Variants in TTLL6 observed in about 807,000 individuals in gnomAD.
TTLL6 encodes the protein tubulin polyglutamylase TTLL6.
TTLL6 carries 75 observed loss-of-function variants against 96.4 expected under a neutral mutation model. The observed-to-expected ratio is 0.78, with a 90% CI of 0.65 to 0.94. TTLL6 has a LOEUF of 0.94. TTLL6 is among the 40% of genes least tolerant of loss of function. The pLI is 0.00. For synonymous variants in TTLL6, 411 were observed against 419.4 expected (o/e 0.98, Z 0.24); for missense variants, 1,030 against 1,093.0 (o/e 0.94, Z 0.81).
At chr17:48,796,211 T>C in intron 7 of TTLL6, 65 bp from the exon 8 acceptor site, 8 of 1,288,204 alleles carry the variant, frequency 6.2e-6, no homozygotes, top group Non-Finnish European at 8.8e-6. Flanking sequence ...TTCCTCTCTG[T>C]GCCCTCCCAT....
intron 14 of TTLL6, 36 bp from the exon 15 acceptor site, chr17:48,769,290 G>A: frequency 1.3e-6 from 2 of 1,558,526 alleles, no homozygotes; most frequent in Non-Finnish European, 8.7e-7. Context: ...AGCGATTTGT[G>A]CTGCTGGATT....
chr17:48,803,698 G>A (rs1456051456), intron 3 of TTLL6, among the ~76,000 whole-genome samples, 193 bp downstream of exon 3: 1 of 152,172 alleles, frequency 6.6e-6, no homozygotes, highest in Non-Finnish European at 1.5e-5. Context: ...CACCATTGTG[G>A]TGAAAACCCA....
chr17:48,800,243 A>C (rs1203072924), intron 5 of TTLL6: 1 of 154,004 alleles, frequency 6.5e-6, no homozygotes, highest in Non-Finnish European at 1.4e-5. Flanking sequence ...TCAGTCTCTC[A>C]CCCCATGCTG....
intron 13 of TTLL6, among the ~76,000 whole-genome samples, chr17:48,783,854 A>C (rs1326991489): frequency 6.6e-6 from 1 of 151,972 alleles, no homozygotes; most frequent in Non-Finnish European, 1.5e-5. Flanking sequence ...AAATAATTTA[A>C]GTCTACAATG....
In TTLL6 at chr17:48,787,877, A is replaced by T. The variant is rs1216597829; in HGVS notation, c.1523T>A (p.Phe508Tyr). 1 of 1,613,988 alleles carries T rather than the reference A, an allele frequency of 6.2e-7. No individual in the cohort carries two copies. The highest frequency in any genetic ancestry group is 1.3e-5 in the African/African-American group (1 of 74,882). The change falls in exon 11 of 16, where the codon TTT (phenylalanine) becomes TAT (tyrosine). Residue 508 changes from phenylalanine to tyrosine, a missense_variant. Phe to Tyr is a conservative substitution (Grantham distance 22). Coordinates refer to ENST00000393382, the MANE Select transcript of TTLL6 (RefSeq NM_001130918.3). Reference protein sequence around the residue: ...PSLNSEKYEKFFQDNNSLFQN... With the variant: ...PSLNSEKYEKYFQDNNSLFQN... ...GAAGAGGGAGTTGTTGTCCTGGAAA[A>T]ACTTCTCATACTTCTCCGAATTCAG...
intron 13 of TTLL6, among the ~76,000 whole-genome samples, chr17:48,776,835 T>C (rs1381894238): frequency 6.6e-6 from 1 of 152,126 alleles, no homozygotes; most frequent in Non-Finnish European, 1.5e-5. Flanking sequence ...CCCAGTGTGC[T>C]TTTTTTGCAA....
At chr17:48,777,695 C>T (rs1477168723) in intron 13 of TTLL6, among the ~76,000 whole-genome samples, 4 of 150,410 alleles carry the variant, frequency 2.7e-5, no homozygotes, top group Admixed American at 6.7e-5. Context: ...CGTGCCATTG[C>T]ACTCAAGCCT....
At chr17:48,802,110 GAAAGAAAGAAAGAAAGAAAGAAAGAAAGA>G (rs2039433834) in intron 3 of TTLL6, among the ~76,000 whole-genome samples, 1 of 95,058 alleles carries the variant, frequency 1.1e-5, no homozygotes, top group Non-Finnish European at 3.0e-5. Context: ...AAGAAAGAAA[GAAAGAAAGAAAGAAAGAAAGAAAGAAAGA>G]AAGAAAGAAA....
At position 48,811,890 on chromosome 17, in the gene TTLL6, G is replaced by A. The variant is rs545924701; in HGVS notation, c.103+5080C>T. On this transcript the variant is annotated intron_variant, in intron 1 of 15. Transcript: ENST00000393382. ...TTATTTTTGCATTTTTAGTAGAGAC[G>A]GGGTTTTGCCATGTTGGCCAGGCTG... Among the ~76,000 whole-genome samples, 108 of 151,968 alleles carry A rather than the reference G, an allele frequency of 7.1e-4. No homozygotes were observed. In the Middle Eastern group the frequency reaches 0.017, roughly 24 times the overall value.
intron 8 of TTLL6, chr17:48,794,400 G>A (rs1287185786): frequency 1.4e-6 from 2 of 1,473,834 alleles, no homozygotes; most frequent in Non-Finnish European, 1.8e-6. Flanking sequence ...GAGACCCTGT[G>A]AGGTGGCAGG....
rs140609218 is a variant in TTLL6 at position 48,773,820 on chromosome 17, C to T, written c.2041-3723G>A. Among the ~76,000 whole-genome samples, 88 of 151,918 alleles carry T rather than the reference C, an allele frequency of 5.8e-4. No homozygotes were observed. In the East Asian group the frequency reaches 0.012, roughly 21 times the overall value. ...AAAAGTGGCTGGGTGGGGTGGCTTA[C>T]GCCTGCAATCCCAGCACTTTGGGAG... On this transcript the variant is annotated intron_variant, in intron 13 of 15. Coordinates refer to ENST00000393382, the MANE Select transcript of TTLL6 (RefSeq NM_001130918.3).
chr17:48,787,359 G>A lies in TTLL6; in HGVS notation c.1589+452C>T, dbSNP rs182507322. 1.3e-3 allele frequency among the ~76,000 whole-genome samples: 202 copies of A among 152,222 alleles called. 1 individual carries two copies. The highest frequency in any genetic ancestry group is 4.8e-3 in the African/African-American group (198 of 41,546). On this transcript the variant is annotated intron_variant, in intron 11 of 15. Transcript: ENST00000393382. ...GAATCTTCCAATTCCTTGTCCTTGC[G>A]AGACCAGGGCAGATGTTCATCTGGC... is the stretch of plus-strand genomic sequence containing the variant.
At chr17:48,777,730 CAAA>C (rs749723188) in intron 13 of TTLL6, among the ~76,000 whole-genome samples, 1 of 133,216 alleles carries the variant, frequency 7.5e-6, no homozygotes, top group Admixed American at 7.6e-5. Flanking sequence ...GACTCCGTCT[CAAA>C]AAAAAAAAAA....
intron 13 of TTLL6, among the ~76,000 whole-genome samples, chr17:48,779,002 T>A (rs957603096): frequency 6.7e-6 from 1 of 148,586 alleles, no homozygotes; most frequent in East Asian, 2.0e-4. Context: ...GAGGCTGAGG[T>A]GAAAGGGAGG....
intron 1 of TTLL6, among the ~76,000 whole-genome samples, chr17:48,805,350 G>A (rs1203788361): frequency 6.6e-6 from 1 of 152,216 alleles, no homozygotes; most frequent in Non-Finnish European, 1.5e-5. Flanking sequence ...GAGAGAGTTA[G>A]TCCTAGAGGG....
At chr17:48,812,064 A>ACCTCCCCC (rs2039602289) in intron 1 of TTLL6, 18 of 76,136 alleles carry the variant, frequency 2.4e-4, no homozygotes, top group African/African-American at 7.7e-4. Context: ...TGATGCTGGG[A>ACCTCCCCC]CCCCCCCCCC....
At chr17:48,800,915 C>T (rs1041430902) in intron 5 of TTLL6, among the ~76,000 whole-genome samples, 1 of 152,202 alleles carries the variant, frequency 6.6e-6, no homozygotes. Context: ...AGCACACTCT[C>T]TCCAGAGGTG....
At chr17:48,795,303 C>T (rs1156579929) in intron 8 of TTLL6, among the ~76,000 whole-genome samples, 15 of 145,774 alleles carry the variant, frequency 1.0e-4, no homozygotes, top group Non-Finnish European at 1.2e-4. Flanking sequence ...TCCAGCCTGG[C>T]GACAGAGCAA....
At chr17:48,804,521 A>C (rs912016389) in intron 2 of TTLL6, 4 of 639,806 alleles carry the variant, frequency 6.3e-6, no homozygotes, top group Middle Eastern at 5.0e-4. Flanking sequence ...TTTTAAAGGC[A>C]TCCTAAACAC....
Sources: allele counts gnomAD v4.1 joint callset (sites outside exome capture counted in the v4.1 genomes callset), GRCh38; gene constraint gnomAD v4.1.1; transcripts MANE v1.5; gene names NCBI Gene and HGNC (gene_info 2026-07-23, HGNC 2026-07-21).